XRCC4: variants seen among roughly 807,000 people sequenced by gnomAD.
XRCC4 encodes X-ray repair cross complementing 4.
In XRCC4, 28 loss-of-function variants were observed where a neutral mutation model predicts 39.1. The observed-to-expected ratio is 0.72, with a 90% CI of 0.53 to 0.98. XRCC4 has a LOEUF of 0.98. Ranked by LOEUF, XRCC4 falls within the 50% of genes least tolerant of loss-of-function variation. The pLI, the probability that XRCC4 is intolerant of heterozygous loss-of-function variation, is 0.00. For missense variants in XRCC4, 350 were observed against 376.4 expected (o/e 0.93, Z 0.58); for synonymous variants, 123 against 126.4 (o/e 0.97, Z 0.18).
chr5:83,180,338 G>T (rs756875335), intron 3 of XRCC4, among the ~76,000 whole-genome samples: 1 of 152,080 alleles, frequency 6.6e-6, no homozygotes. Context: ...GAGGGTAAAA[G>T]GTTATAGTCA....
chr5:83,197,588 G>GCGAT (rs1270823847), intron 4 of XRCC4, among the ~76,000 whole-genome samples: 4 of 152,260 alleles, frequency 2.6e-5, no homozygotes, highest in Non-Finnish European at 5.9e-5. Flanking sequence ...TGCACCCTGT[G>GCGAT]CTGTAACAGT....
chr5:83,255,102 A>G (rs1392158567), intron 6 of XRCC4, among the ~76,000 whole-genome samples: 1 of 152,038 alleles, frequency 6.6e-6, no homozygotes, highest in African/African-American at 2.4e-5. Context: ...AAGAAAAAAA[A>G]AAAGAAAAGA....
At chr5:83,137,094 AC>A (rs1472809694) in intron 3 of XRCC4, among the ~76,000 whole-genome samples, 2 of 152,178 alleles carry the variant, frequency 1.3e-5, no homozygotes, top group Admixed American at 6.5e-5. Context: ...ATTTATGATT[AC>A]CATCCAAAAG....
chr5:83,332,077 A>G (rs2112169277), intron 7 of XRCC4, among the ~76,000 whole-genome samples: 1 of 152,290 alleles, frequency 6.6e-6, no homozygotes, highest in East Asian at 1.9e-4. Flanking sequence ...ACATGTGTCC[A>G]GTGGTTATTC....
At chr5:83,243,992 G>C (rs1361051852) in intron 6 of XRCC4, among the ~76,000 whole-genome samples, 2 of 152,110 alleles carry the variant, frequency 1.3e-5, no homozygotes, top group Non-Finnish European at 2.9e-5. Flanking sequence ...TTGGAGATGT[G>C]GCAGATGAAG....
intron 7 of XRCC4, among the ~76,000 whole-genome samples, chr5:83,260,369 G>A (rs977198006): frequency 1.5e-4 from 23 of 152,082 alleles, no homozygotes; most frequent in African/African-American, 5.3e-4. Context: ...TGAATTATGT[G>A]CCAGGCATAA....
At chr5:83,351,290 C>A (rs568124727) in intron 7 of XRCC4, among the ~76,000 whole-genome samples, 3 of 152,266 alleles carry the variant, frequency 2.0e-5, no homozygotes, top group African/African-American at 7.2e-5. Flanking sequence ...TCAGGTAGTT[C>A]TTTATAGCAA....
chr5:83,089,170 G>T (rs979106938), intron 1 of XRCC4, among the ~76,000 whole-genome samples: 7 of 152,126 alleles, frequency 4.6e-5, no homozygotes, highest in Non-Finnish European at 1.0e-4. Context: ...TTCTAATCTG[G>T]ATTAATTTTG....
intron 7 of XRCC4, among the ~76,000 whole-genome samples, chr5:83,309,281 AAAAAAAAAAAAAAAAAT>A (rs1485292801): frequency 1.6e-5 from 2 of 125,830 alleles, no homozygotes; most frequent in African/African-American, 6.3e-5. Context: ...AAAAAAAAAA[AAAAAAAAAAAAAAAAAT>A]ATATATATAT....
chr5:83,252,524 G>C (rs374598336), intron 6 of XRCC4, among the ~76,000 whole-genome samples: 1 of 151,444 alleles, frequency 6.6e-6, no homozygotes, highest in Non-Finnish European at 1.5e-5. Context: ...TTGGTCTTTC[G>C]TTGACAACAT....
chr5:83,248,945 T>C (rs1354174260), intron 6 of XRCC4, among the ~76,000 whole-genome samples: 1 of 152,160 alleles, frequency 6.6e-6, no homozygotes, highest in Non-Finnish European at 1.5e-5. Flanking sequence ...AGTAAAACTT[T>C]CTAATTTGGG....
chr5:83,154,584 C>T (rs1279432675), intron 3 of XRCC4, among the ~76,000 whole-genome samples: 1 of 152,172 alleles, frequency 6.6e-6, no homozygotes, highest in Non-Finnish European at 1.5e-5. Flanking sequence ...CAATTATTAA[C>T]TATTTGTTCT....
At chr5:83,123,550 TA>T (rs28745318) in intron 3 of XRCC4, among the ~76,000 whole-genome samples, 74,284 of 151,636 alleles carry the variant, frequency 0.49, 19,142 homozygotes, top group African/African-American at 0.63. Context: ...GACAATTACA[TA>T]AAAAAATGGT....
At chr5:83,191,909 C>T (rs1352852072) in intron 3 of XRCC4, among the ~76,000 whole-genome samples, 1 of 151,980 alleles carries the variant, frequency 6.6e-6, no homozygotes, top group East Asian at 1.9e-4. Context: ...AATACATAGG[C>T]TAACTTAGTT....
At chr5:83,096,531 T>A (rs1745687964) in intron 1 of XRCC4, among the ~76,000 whole-genome samples, 2 of 152,092 alleles carry the variant, frequency 1.3e-5, no homozygotes, top group Admixed American at 1.3e-4. Flanking sequence ...CCAATCTGTG[T>A]GTCCAGGTGC....
intron 6 of XRCC4, among the ~76,000 whole-genome samples, chr5:83,238,859 A>G (rs1752795918): frequency 6.6e-6 from 1 of 152,220 alleles, no homozygotes; most frequent in African/African-American, 2.4e-5. Flanking sequence ...GTGAAGAACT[A>G]GGCTAAATAA....
intron 1 of XRCC4, among the ~76,000 whole-genome samples, chr5:83,080,776 G>A (rs1439333757): frequency 6.6e-6 from 1 of 152,188 alleles, no homozygotes; most frequent in Non-Finnish European, 1.5e-5. Flanking sequence ...CAAAGCACAA[G>A]AGTAACGACG....
chr5:83,112,142 A>G (rs552113439), intron 3 of XRCC4, among the ~76,000 whole-genome samples: 1 of 152,282 alleles, frequency 6.6e-6, no homozygotes, highest in South Asian at 2.1e-4. Context: ...ATTTAAAATA[A>G]ACATACTTTT....
At chr5:83,206,755 CAG>C (rs1453774799) in intron 6 of XRCC4, among the ~76,000 whole-genome samples, 1 of 151,998 alleles carries the variant, frequency 6.6e-6, no homozygotes, top group South Asian at 2.1e-4. Context: ...AGGCAGTAGA[CAG>C]AGGAAAAACT....
Sources: allele counts gnomAD v4.1 joint callset (sites outside exome capture counted in the v4.1 genomes callset), GRCh38; gene constraint gnomAD v4.1.1; transcripts MANE v1.5; gene names NCBI Gene and HGNC (gene_info 2026-07-23, HGNC 2026-07-21).